The following SERINC1 variants were observed in gnomAD, a reference collection of about 807,000 sequenced individuals.
SERINC1 encodes the protein tumor differentially expressed protein 2.
In SERINC1, 38 loss-of-function variants were observed where a neutral mutation model predicts 52.9. The ratio of observed to expected loss-of-function variants is 0.72; its 90% confidence interval spans 0.55 to 0.94. The LOEUF is 0.94. Ranked by LOEUF, SERINC1 falls within the 40% of genes least tolerant of loss-of-function variation. The pLI is 0.00. For missense variants in SERINC1, 471 were observed against 533.9 expected, an observed-to-expected ratio of 0.88 and a Z score of 1.16; for synonymous variants, 198 against 183.1, an observed-to-expected ratio of 1.08 and a Z score of -0.66.
chr6:122,452,039 G>A lies in SERINC1; in HGVS notation c.608C>T (p.Ala203Val). The change falls in exon 6 of 10, where the codon GCT becomes GTT. Residue 203 changes from alanine to valine, a missense_variant. Physicochemically the swap from Ala to Val is moderately conservative, Grantham distance 64. Coordinates refer to ENST00000339697, the MANE Select transcript of SERINC1 (RefSeq NM_020755.4). ...CWYAALLSAT[A>V]LNYLLSLVAI... ...AACTAAAGACAGCAGATAATTCAGAGCTGTAGCTGATAACAAGGCTGTGAA... is the reference window on the plus strand; with the variant it reads ...AACTAAAGACAGCAGATAATTCAGAACTGTAGCTGATAACAAGGCTGTGAA... The A allele has an allele frequency of 6.5e-7, 1 of 1,548,286 alleles. No homozygotes were observed. Among genetic ancestry groups the A allele is most frequent in the Non-Finnish European group, 8.7e-7 (1 of 1,151,320 alleles).
chr6:122,446,800 G>T lies in SERINC1; in HGVS notation c.1200C>A (p.Ile400=), dbSNP rs766919518. 3 of 1,612,816 alleles carry T rather than the reference G, an allele frequency of 1.9e-6. No individual in the cohort carries two copies. The highest frequency in any genetic ancestry group is 3.3e-5 in the Admixed American group (2 of 60,018). The change falls in exon 9 of 10, where the codon ATC becomes ATA. Residue 400 remains isoleucine (I), a synonymous_variant. Transcript: ENST00000339697. Reference sequence around the variant, plus strand: ...TGTACCAGTTGGTAAGGGTCATCATGATATAAAGTGAAGCCAGGAAAAGCA... The same window carrying T: ...TGTACCAGTTGGTAAGGGTCATCATTATATAAAGTGAAGCCAGGAAAAGCA... The part of the protein sequence containing the change: ...HFMLFLASLY[I]MMTLTNWYRY...
At chr6:122,466,787 G>A (rs1013463293) in intron 1 of SERINC1, among the ~76,000 whole-genome samples, 1 of 152,176 alleles carries the variant, frequency 6.6e-6, no homozygotes, top group South Asian at 2.1e-4. Context: ...GAAACCTAGA[G>A]TTTCAGTCCA....
intron 5 of SERINC1, 141 bp downstream of exon 5, chr6:122,453,629 T>G: frequency 1.8e-6 from 1 of 567,572 alleles, no homozygotes; most frequent in Non-Finnish European, 2.9e-6. Context: ...ATGTGATATT[T>G]TGACACTCAC....
rs1774763964 is a variant in SERINC1 at position 122,445,058 on chromosome 6, G to T, written c.1348C>A (p.Arg450Ser). 1 of 1,612,860 alleles carries T rather than the reference G, an allele frequency of 6.2e-7. No homozygotes were observed. Among genetic ancestry groups the T allele is most frequent in the Non-Finnish European group, 8.5e-7 (1 of 1,179,612 alleles). Residue 450 changes from arginine (R) to serine (S), a missense_variant, in exon 10 of 10, where the codon CGT becomes AGT. By Grantham distance (110) the Arg-to-Ser change is moderately radical. Coordinates refer to ENST00000339697, the MANE Select transcript of SERINC1 (RefSeq NM_020755.4). Reference sequence around the variant, plus strand: ...AGAAGTCTCACTCAGTCAAAATCACGATTTGTAAGAACAAGTGGTGCCACG... The same window carrying T: ...AGAAGTCTCACTCAGTCAAAATCACTATTTGTAAGAACAAGTGGTGCCACG... ...TLVAPLVLTNRDFD is the reference protein window; with the variant it reads ...TLVAPLVLTNSDFD
intron 1 of SERINC1, among the ~76,000 whole-genome samples, chr6:122,469,387 T>G (rs945505404): frequency 4.0e-5 from 6 of 151,490 alleles, no homozygotes; most frequent in Non-Finnish European, 8.8e-5. Flanking sequence ...TTTGTTTTTT[T>G]TTTTTTTGAC....
intron 5 of SERINC1, among the ~76,000 whole-genome samples, chr6:122,452,420 A>G (rs1349128565): frequency 6.6e-6 from 1 of 152,214 alleles, no homozygotes; most frequent in Non-Finnish European, 1.5e-5. Flanking sequence ...AGGTTTTTAA[A>G]GAACCATTAT....
chr6:122,456,538 G>A lies in SERINC1; in HGVS notation c.314C>T (p.Ser105Phe). The A allele has an allele frequency of 3.1e-6, 5 of 1,612,284 alleles. No individual in the cohort carries two copies. Among genetic ancestry groups the A allele is most frequent in the Non-Finnish European group, 4.2e-6 (5 of 1,179,134 alleles). ...FGLAMFYLLLSLLMIKVKSSS... is the reference protein window; with the variant it reads ...FGLAMFYLLLFLLMIKVKSSS... ...ACTCTTCACTTTGATCATTAGTAAA[G>A]AGAGAAGAAGATAGAACATAGCCAA... Residue 105 changes from serine to phenylalanine, a missense_variant, in exon 3 of 10, where the codon TCT (serine) becomes TTT (phenylalanine). Ser to Phe is a radical substitution (Grantham distance 155, BLOSUM62 -2). Transcript: ENST00000339697.
At chr6:122,450,156 G>A (rs1470616507) in intron 7 of SERINC1, among the ~76,000 whole-genome samples, 1 of 152,184 alleles carries the variant, frequency 6.6e-6, no homozygotes, top group Non-Finnish European at 1.5e-5. Context: ...TGGCTTCAAA[G>A]CTTAAAAGGA....
chr6:122,467,098 T>C (rs1043444214), intron 1 of SERINC1, among the ~76,000 whole-genome samples: 2 of 151,108 alleles, frequency 1.3e-5, no homozygotes, highest in Admixed American at 6.6e-5. Flanking sequence ...ATACAAGCAA[T>C]GAAGAAAAAA....
intron 9 of SERINC1, among the ~76,000 whole-genome samples, chr6:122,446,365 T>A (rs1431256609): frequency 6.6e-6 from 1 of 152,074 alleles, no homozygotes; most frequent in Non-Finnish European, 1.5e-5. Context: ...ATTCTAAGAA[T>A]CTATCTACAT....
chr6:122,453,634 A>G (rs1774948301), intron 5 of SERINC1, 136 bp downstream of exon 5: 1 of 593,714 alleles, frequency 1.7e-6, no homozygotes. Context: ...ATATTTTGAC[A>G]CTCACAAAGT....
intron 5 of SERINC1, among the ~76,000 whole-genome samples, 197 bp from the exon 6 acceptor site, chr6:122,452,254 T>C (rs994894373): frequency 2.0e-5 from 3 of 152,208 alleles, no homozygotes; most frequent in African/African-American, 4.8e-5. Flanking sequence ...ATTCTAGTTT[T>C]TACACATAGC....
intron 5 of SERINC1, among the ~76,000 whole-genome samples, 167 bp from the exon 6 acceptor site, chr6:122,452,224 C>T (rs1404289220): frequency 6.6e-6 from 1 of 152,102 alleles, no homozygotes; most frequent in Non-Finnish European, 1.5e-5. Context: ...AAAATTAATT[C>T]TGACCTTTAT....
In SERINC1 at chr6:122,445,002, T is replaced by A. The variant is rs1422066533; in HGVS notation, c.*42A>T. 6.3e-7 allele frequency: 1 copy of A among 1,585,964 alleles called. No homozygotes were observed. Among genetic ancestry groups the A allele is most frequent in the African/African-American group, 1.4e-5 (1 of 73,834 alleles). On this transcript the variant is annotated 3_prime_UTR_variant, in exon 10 of 10. Coordinates refer to ENST00000339697, the MANE Select transcript of SERINC1 (RefSeq NM_020755.4). ...AAAAGTTGGGAATACTGTTTTCAAATAAGCAATAATCAAAGTGGGACTTTC... is the reference window on the plus strand; with the variant it reads ...AAAAGTTGGGAATACTGTTTTCAAAAAAGCAATAATCAAAGTGGGACTTTC...
intron 1 of SERINC1, among the ~76,000 whole-genome samples, chr6:122,463,077 T>G (rs1209919854): frequency 1.3e-5 from 2 of 152,148 alleles, no homozygotes; most frequent in East Asian, 1.9e-4. Context: ...GTGACAGTAA[T>G]TAAAACAGAG....
intron 9 of SERINC1, among the ~76,000 whole-genome samples, chr6:122,445,883 C>CAAAAAAAAAAAAA (rs71018202): frequency 0.13 from 8,310 of 61,590 alleles, 1,765 homozygotes; most frequent in Admixed American, 0.2. Flanking sequence ...GACTCCATTT[C>CAAAAAAAAAAAAA]AAAAAAAAAA....
intron 1 of SERINC1, among the ~76,000 whole-genome samples, chr6:122,466,181 G>C (rs1775187895): frequency 6.6e-6 from 1 of 152,180 alleles, no homozygotes; most frequent in Admixed American, 6.5e-5. Context: ...TTGGGAGGCG[G>C]AAGTTTCAGT....
intron 1 of SERINC1, among the ~76,000 whole-genome samples, chr6:122,461,412 T>G (rs541364811): frequency 6.7e-6 from 1 of 149,204 alleles, no homozygotes; most frequent in African/African-American, 2.5e-5. Flanking sequence ...TATGTAAACA[T>G]AGAATTTTGT....
At position 122,443,936 on chromosome 6, in the gene SERINC1, C is replaced by T. The variant is rs1774712165; in HGVS notation, c.*1108G>A. The stretch of plus-strand genomic sequence containing the variant: ...AACTGGACTAGATTTTATATAAGTA[C>T]CTACTAAAGCCTAGTGTTTTGCAGT... On this transcript the variant is annotated 3_prime_UTR_variant, in exon 10 of 10. Transcript: ENST00000339697. 1.3e-5 allele frequency: 2 copies of T among 152,044 alleles called. No individual in the cohort carries two copies. The highest frequency in any genetic ancestry group is 2.1e-4 in the South Asian group (1 of 4,828). 9.4% of individuals were successfully genotyped at this position (152,044 alleles called of 1,614,324 possible). A position where few individuals can be genotyped will look rare whatever the true frequency, so the allele number is the denominator to read the frequency against.
Sources: gnomAD v4.1 joint callset for allele counts (sites outside exome capture counted in the v4.1 genomes callset) on GRCh38, gnomAD v4.1.1 for gene constraint, MANE v1.5 for transcripts, NCBI Gene and HGNC (gene_info 2026-07-23, HGNC 2026-07-21) for gene names.